HEATR4: variants seen among roughly 807,000 people sequenced by gnomAD.
HEATR4 encodes the protein HEAT repeat-containing protein 4.
HEATR4 carries 95 observed loss-of-function variants against 108.8 expected under a neutral mutation model. The observed-to-expected ratio is 0.87, with a 90% CI of 0.74 to 1.04. The LOEUF (loss-of-function observed/expected upper bound fraction) is 1.04. Among genes scored for constraint, HEATR4 ranks in the 50% least tolerant of loss-of-function variants. The pLI, the probability that HEATR4 is intolerant of heterozygous loss-of-function variation, is 0.00. For missense variants in HEATR4, 1,152 were observed against 1,253.8 expected (o/e 0.92, Z 1.23); for synonymous variants, 443 against 459.4 (o/e 0.96, Z 0.46).
chr14:73,498,169 G>A lies in HEATR4; in HGVS notation c.2532C>T (p.His844=), dbSNP rs776152025. 3.7e-6 allele frequency: 6 copies of A among 1,611,954 alleles called. No homozygotes were observed. Among genetic ancestry groups the A allele is most frequent in the South Asian group, 1.1e-5 (1 of 91,040 alleles). Residue 844 remains histidine, a synonymous_variant, in exon 14 of 18, where the codon CAC becomes CAT. Transcript: ENST00000553558. ...TFLDVLLLEN[H]DAVLKEMYQT... is the part of the protein sequence containing the mutation. Reference sequence around the variant, plus strand: ...TTAGTGCTTACTTTAGAACAGCATCGTGGTTCTCCAGGAGCAGCACGTCTA... The same window carrying A: ...TTAGTGCTTACTTTAGAACAGCATCATGGTTCTCCAGGAGCAGCACGTCTA...
the HEATR4 span, chr14:73,595,475 G>A: frequency 4.5e-5 from 72 of 1,613,934 alleles, no homozygotes; most frequent in Non-Finnish European, 5.6e-5. Flanking sequence ...GCATTACATC[G>A]AGCCTCCTTA....
At chr14:73,494,594 A>T (rs540511174) in intron 16 of HEATR4, among the ~76,000 whole-genome samples, 1 of 152,280 alleles carries the variant, frequency 6.6e-6, no homozygotes, top group East Asian at 1.9e-4. Context: ...TTTGTTGCCC[A>T]GGCTGGGGTA....
At chr14:73,605,467 AC>A in the HEATR4 span, among the ~76,000 whole-genome samples, 1 of 150,594 alleles carries the variant, frequency 6.6e-6, no homozygotes, top group Non-Finnish European at 1.5e-5. Flanking sequence ...CCAAAAACAA[AC>A]CTCCTCGCCT....
chr14:73,479,444 T>C (rs1356345428), intron 17 of HEATR4, among the ~76,000 whole-genome samples: 22 of 145,770 alleles, frequency 1.5e-4, no homozygotes, highest in Non-Finnish European at 2.6e-4. Context: ...TCTTTCTTTT[T>C]TTTTTTTTTT....
the HEATR4 span, chr14:73,582,432 C>T: frequency 2.4e-4 from 37 of 151,072 alleles, 2 homozygotes; most frequent in African/African-American, 8.4e-4. Context: ...AGGGAGTGAC[C>T]GTGTTCTCAG....
the HEATR4 span, chr14:73,617,091 G>T: frequency 6.4e-7 from 1 of 1,560,084 alleles, no homozygotes; most frequent in Non-Finnish European, 8.8e-7. Context: ...TGCTGTGCTT[G>T]CCCTGGCTTA....
chr14:73,593,135 T>C, the HEATR4 span, among the ~76,000 whole-genome samples: 2 of 152,206 alleles, frequency 1.3e-5, no homozygotes, highest in African/African-American at 4.8e-5. Flanking sequence ...ACACTGTCTC[T>C]TCTCCACTTC....
the HEATR4 span, among the ~76,000 whole-genome samples, chr14:73,575,926 C>G: frequency 6.6e-6 from 1 of 151,316 alleles, no homozygotes; most frequent in Non-Finnish European, 1.5e-5. Context: ...CTGAGGTGGG[C>G]GGATCACTTG....
the HEATR4 span, chr14:73,573,736 T>C: frequency 1.9e-6 from 2 of 1,059,928 alleles, no homozygotes; most frequent in Non-Finnish European, 2.7e-6. Context: ...TATAGACAGT[T>C]TCTTTTTTTG....
Position 73,541,765 on chromosome 14 carries a change from A to G in HEATR4, c.-151-11521T>C, listed in dbSNP as rs1889096002. The stretch of plus-strand genomic sequence containing the variant: ...CTTCTTAAATGGTCTGGGTTTTCAC[A>G]GAAGTTAGCTCATTCATGACAGCCA... On this transcript the variant is annotated intron_variant, in intron 1 of 17. Coordinates refer to ENST00000553558, the MANE Select transcript of HEATR4 (RefSeq NM_001220484.1). The G allele has an allele frequency of 3.8e-6, 4 of 1,049,442 alleles. 1 individual carries two copies. Among genetic ancestry groups the G allele is most frequent in the Non-Finnish European group, 3.9e-6 (3 of 759,624 alleles). The allele number at this position is 1,049,442 out of a possible 1,614,324, so 65.0% of individuals were successfully genotyped here.
At chr14:73,512,883 A>G (rs1887351259) in intron 6 of HEATR4, among the ~76,000 whole-genome samples, 1 of 152,100 alleles carries the variant, frequency 6.6e-6, no homozygotes, top group Non-Finnish European at 1.5e-5. Flanking sequence ...TCCTGCACTA[A>G]CTAAGCTTGT....
At chr14:73,566,709 G>A in the HEATR4 span, among the ~76,000 whole-genome samples, 4 of 152,100 alleles carry the variant, frequency 2.6e-5, no homozygotes, top group African/African-American at 7.2e-5. Flanking sequence ...TCCCACTTGC[G>A]CCTCTCCCTC....
the HEATR4 span, among the ~76,000 whole-genome samples, chr14:73,607,166 TGGGTGTCATGGCAC>T: frequency 6.6e-6 from 1 of 152,020 alleles, no homozygotes; most frequent in Non-Finnish European, 1.5e-5. Context: ...AAAAATTAGC[TGGGTGTCATGGCAC>T]GTGCCTATGA....
the HEATR4 span, among the ~76,000 whole-genome samples, chr14:73,622,216 A>G: frequency 6.6e-6 from 1 of 152,078 alleles, no homozygotes; most frequent in Non-Finnish European, 1.5e-5. Flanking sequence ...GCAAAGGCCA[A>G]AAAGGTAGTC....
intron 12 of HEATR4, 85 bp from the exon 13 acceptor site, chr14:73,499,225 A>C: frequency 8.4e-7 from 1 of 1,188,232 alleles, no homozygotes; most frequent in Non-Finnish European, 1.3e-6. Flanking sequence ...GCACCCCTGT[A>C]ATCCCAGCAT....
the HEATR4 span, chr14:73,619,643 A>G: frequency 6.2e-7 from 1 of 1,614,224 alleles, no homozygotes; most frequent in Non-Finnish European, 8.5e-7. Context: ...TGTTACCCAG[A>G]AACTGGTCAC....
the HEATR4 span, among the ~76,000 whole-genome samples, chr14:73,606,374 CA>C: frequency 1.0e-4 from 9 of 89,500 alleles, no homozygotes; most frequent in Middle Eastern, 8.3e-3. Context: ...AACAAACAAA[CA>C]AAACAAAACA....
At chr14:73,617,383 G>A in the HEATR4 span, among the ~76,000 whole-genome samples, 1 of 152,138 alleles carries the variant, frequency 6.6e-6, no homozygotes, top group South Asian at 2.1e-4. Flanking sequence ...GGGAGGCTGA[G>A]GCCGGGGGAT....
rs1462228444 is a variant in HEATR4, at chr14:73,532,692, C to T, written c.-151-2448G>A. On this transcript the variant is annotated intron_variant, in intron 1 of 17. Coordinates refer to ENST00000553558, the MANE Select transcript of HEATR4 (RefSeq NM_001220484.1). ...AGACTAGGCCGGGTGCAGTGGCTCA[C>T]GCTCATAATCCTAGCACTTTGGGAG... Among the ~76,000 whole-genome samples the T allele has an allele frequency of 8.7e-5, 10 of 115,318 alleles. 3 individuals are homozygous for T. Among genetic ancestry groups the T allele is most frequent in the Admixed American group, 2.0e-4 (2 of 10,184 alleles). The allele number at this position is 115,318 out of a possible 152,430, so 75.7% of individuals were successfully genotyped here.
Sources: gnomAD v4.1 joint callset for allele counts (sites outside exome capture counted in the v4.1 genomes callset) on GRCh38, gnomAD v4.1.1 for gene constraint, MANE v1.5 for transcripts, NCBI Gene and HGNC (gene_info 2026-07-23, HGNC 2026-07-21) for gene names.